The following PARD6G variants were observed in gnomAD, a reference collection of about 807,000 sequenced individuals.
PARD6G encodes the protein partitioning defective 6 homolog gamma.
In PARD6G, 7 loss-of-function variants were observed where a neutral mutation model predicts 10.7. That is an observed-to-expected ratio of 0.66 (90% confidence interval 0.37 to 1.23). The LOEUF is 1.23. PARD6G is among the 50% of genes most tolerant of loss of function. The pLI, the probability that PARD6G is intolerant of heterozygous loss-of-function variation, is 0.02. For missense variants in PARD6G, 548 were observed against 571.8 expected, an observed-to-expected ratio of 0.96 and a Z score of 0.42; for synonymous variants, 287 against 269.4, an observed-to-expected ratio of 1.07 and a Z score of -0.64.
At position 80,227,859 on chromosome 18, in the gene PARD6G, T is replaced by TCC. The variant is rs35504330; in HGVS notation, c.72+19417_72+19418insGG. The stretch of plus-strand genomic sequence containing the variant: ...CGGGAACCACCAGACCACCAGGGCT[T>TCC]CAGACCATTCACGAGACGTCAACCC... On this transcript the variant is annotated intron_variant, in intron 1 of 2. Coordinates refer to ENST00000353265, the MANE Select transcript of PARD6G (RefSeq NM_032510.4). 7.8e-5 allele frequency among the ~76,000 whole-genome samples: 11 copies of TCC among 141,756 alleles called. 1 individual carries two copies. The highest frequency in any genetic ancestry group is 2.9e-4 in the African/African-American group (11 of 37,902). The allele number at this position is 141,756 out of a possible 152,430, so 93.0% of individuals were successfully genotyped here. A position where few individuals can be genotyped will look rare whatever the true frequency, so the allele number is the denominator to read the frequency against.
At chr18:80,235,363 G>A (rs2145304483) in intron 1 of PARD6G, among the ~76,000 whole-genome samples, 1 of 152,236 alleles carries the variant, frequency 6.6e-6, no homozygotes, top group Admixed American at 6.5e-5. Flanking sequence ...AAAGCAGTGT[G>A]TAGAGGGAAA....
rs180838936 is a variant in PARD6G at position 80,213,464 on chromosome 18, A to C, written c.73-10532T>G. ...CAACAGATATAGAGCCACTCTACAA[A>C]GGCTGGGAGACTTATAGCTTCAAGG... On this transcript the variant is annotated intron_variant, in intron 1 of 2. Transcript: ENST00000353265. Among the ~76,000 whole-genome samples the C allele has an allele frequency of 1.5e-3, 229 of 152,330 alleles. 2 individuals are homozygous for C. The highest frequency in any genetic ancestry group is 5.2e-3 in the African/African-American group (218 of 41,568).
rs1967260231 is a variant in PARD6G at position 80,224,049 on chromosome 18, A to G, written c.73-21117T>C. The stretch of plus-strand genomic sequence containing the variant: ...CAGGGTAGAACTTGCCTTCCCTCAC[A>G]TGCCTGTCTCCACCCTGACCCCAAA... On this transcript the variant is annotated intron_variant, in intron 1 of 2. Transcript: ENST00000353265. 2.0e-5 allele frequency among the ~76,000 whole-genome samples: 3 copies of G among 152,186 alleles called. No individual in the cohort carries two copies. In the South Asian group the frequency reaches 6.2e-4, roughly 32 times the overall value.
chr18:80,224,742 G>A (rs1568441695), intron 1 of PARD6G, among the ~76,000 whole-genome samples: 1 of 152,132 alleles, frequency 6.6e-6, no homozygotes, highest in Non-Finnish European at 1.5e-5. Context: ...AGCTACTTGG[G>A]AGGCTGAGGC....
rs11081601 is a variant in PARD6G, at chr18:80,237,939, C to T, written c.72+9338G>A. On this transcript the variant is annotated intron_variant, in intron 1 of 2. Coordinates refer to ENST00000353265, the MANE Select transcript of PARD6G (RefSeq NM_032510.4). ...TCAACCATTGTGGAAGTCAGTGTGGCGATTCCTCAGGGATCTAGAACTAGA... is the reference window on the plus strand; with the variant it reads ...TCAACCATTGTGGAAGTCAGTGTGGTGATTCCTCAGGGATCTAGAACTAGA... 4.4e-4 allele frequency among the ~76,000 whole-genome samples: 67 copies of T among 152,106 alleles called. No homozygotes were observed. In the East Asian group the frequency reaches 8.1e-3, roughly 18 times the overall value.
chr18:80,193,563 T>C (rs1966922528), intron 2 of PARD6G, among the ~76,000 whole-genome samples: 2 of 152,256 alleles, frequency 1.3e-5, no homozygotes, highest in South Asian at 2.1e-4. Flanking sequence ...AGACAGATGA[T>C]GGCGATGTTT....
At chr18:80,167,931 G>A (rs2052747380) in intron 2 of PARD6G, among the ~76,000 whole-genome samples, 1 of 152,150 alleles carries the variant, frequency 6.6e-6, no homozygotes, top group South Asian at 2.1e-4. Flanking sequence ...TCAAATGGCT[G>A]TGTAAGCTGA....
At chr18:80,220,982 T>G (rs1417399370) in intron 1 of PARD6G, among the ~76,000 whole-genome samples, 6 of 152,052 alleles carry the variant, frequency 3.9e-5, no homozygotes, top group African/African-American at 1.4e-4. Flanking sequence ...ATGGACTGAT[T>G]CCTAGAAAAA....
intron 1 of PARD6G, among the ~76,000 whole-genome samples, chr18:80,213,938 C>A (rs1599867480): frequency 9.3e-6 from 1 of 107,552 alleles, no homozygotes; most frequent in African/African-American, 4.0e-5. Context: ...AAGAGTGAGA[C>A]TCCATCTCAA....
chr18:80,159,820 G>T lies in PARD6G; in HGVS notation c.1082C>A (p.Ala361Glu), dbSNP rs1157662510. 1.3e-6 allele frequency: 2 copies of T among 1,481,854 alleles called. No homozygotes were observed. The highest frequency in any genetic ancestry group is 2.7e-5 in the South Asian group (2 of 74,556). The allele number at this position is 1,481,854 out of a possible 1,614,324, so 91.8% of individuals were successfully genotyped here. Residue 361 changes from alanine to glutamate, a missense_variant, in exon 3 of 3, where the codon GCG (alanine) becomes GAG (glutamate). Coordinates refer to ENST00000353265, the MANE Select transcript of PARD6G (RefSeq NM_032510.4). ...SLRADPRHSLALPPGGVEEHG... is the reference protein window; with the variant it reads ...SLRADPRHSLELPPGGVEEHG... ...CTCCTCCACGCCGCCTGGCGGCAGC[G>T]CCAGGCTGTGACGGGGGTCGGCCCG...
intron 2 of PARD6G, among the ~76,000 whole-genome samples, chr18:80,191,393 G>C (rs9652953): frequency 0.011 from 1,614 of 152,140 alleles, 32 homozygotes; most frequent in African/African-American, 0.037. Context: ...TGGTTCTTTG[G>C]GCTTTATCAA....
At chr18:80,202,519 T>C (rs1191778713) in intron 2 of PARD6G, 191 bp downstream of exon 2, 2 of 546,236 alleles carry the variant, frequency 3.7e-6, no homozygotes, top group African/African-American at 1.9e-5. Flanking sequence ...GAAGTCAATA[T>C]CATTTAAAGT....
At chr18:80,185,964 A>C (rs1481992692) in intron 2 of PARD6G, among the ~76,000 whole-genome samples, 2 of 125,436 alleles carry the variant, frequency 1.6e-5, no homozygotes, top group Non-Finnish European at 3.2e-5. Context: ...ATGCACCCAC[A>C]CATGCACCCT....
At chr18:80,226,212 G>A (rs9709791) in intron 1 of PARD6G, among the ~76,000 whole-genome samples, 86,797 of 135,078 alleles carry the variant, frequency 0.64, 29,034 homozygotes, top group South Asian at 0.74. Context: ...TCTTTGTTGC[G>A]CAGGCTGGAG....
chr18:80,202,017 A>C lies in PARD6G; in HGVS notation c.295+693T>G, dbSNP rs910230547. 11 of 152,376 alleles carry C rather than the reference A, an allele frequency of 7.2e-5. No individual in the cohort carries two copies. The East Asian group carries it at 1.7e-3, about 24-fold the overall frequency. 9.4% of individuals were successfully genotyped at this position (152,376 alleles called of 1,614,324 possible). ...TTCCTTGAGGTGGTCAGTGTTCACC[A>C]CCTGCACCGTGGGGCCGCCCAAAGG... On this transcript the variant is annotated intron_variant, in intron 2 of 2. Coordinates refer to ENST00000353265, the MANE Select transcript of PARD6G (RefSeq NM_032510.4).
chr18:80,240,348 A>T (rs1291171233), intron 1 of PARD6G, among the ~76,000 whole-genome samples: 2 of 152,200 alleles, frequency 1.3e-5, no homozygotes, highest in African/African-American at 4.8e-5. Context: ...CCCTTTCCTC[A>T]AAAAGTAATT....
intron 1 of PARD6G, among the ~76,000 whole-genome samples, chr18:80,217,642 AT>A (rs1399938180): frequency 6.6e-6 from 1 of 152,206 alleles, no homozygotes; most frequent in East Asian, 1.9e-4. Context: ...ATTGAGGGAC[AT>A]TCTACAAAAT....
At chr18:80,237,889 A>C (rs1967442745) in intron 1 of PARD6G, among the ~76,000 whole-genome samples, 1 of 152,096 alleles carries the variant, frequency 6.6e-6, no homozygotes. Context: ...ACACTTTTAC[A>C]CTGTTGGTGG....
chr18:80,177,623 AAATC>A (rs1315704599), intron 2 of PARD6G, among the ~76,000 whole-genome samples: 3 of 150,274 alleles, frequency 2.0e-5, no homozygotes, highest in South Asian at 2.1e-4. Flanking sequence ...CACACAGAAT[AAATC>A]AAAGTCCAAA....
Sources: allele counts gnomAD v4.1 joint callset (sites outside exome capture counted in the v4.1 genomes callset), GRCh38; gene constraint gnomAD v4.1.1; transcripts MANE v1.5; gene names NCBI Gene and HGNC (gene_info 2026-07-23, HGNC 2026-07-21).